Variants in KCTD19 observed in about 807,000 individuals in gnomAD.
KCTD19 encodes the protein BTB/POZ domain-containing protein KCTD19.
A neutral mutation model predicts 103.5 loss-of-function variants in KCTD19; 67 were observed. That is an observed-to-expected ratio of 0.65 (90% CI 0.53 to 0.79). KCTD19 has a LOEUF of 0.79. KCTD19 is among the 30% of genes least tolerant of loss of function. The pLI is 0.00. For synonymous variants in KCTD19, 439 were observed against 452.2 expected, an observed-to-expected ratio of 0.97 and a Z score of 0.37; for missense variants, 980 against 1,136.1, an observed-to-expected ratio of 0.86 and a Z score of 1.98.
rs752873462 is a variant in KCTD19 at position 67,320,882 on chromosome 16, C to T, written c.7G>A (p.Glu3Lys). 4.4e-6 allele frequency: 7 copies of T among 1,605,772 alleles called. No individual in the cohort carries two copies. Among genetic ancestry groups the T allele is most frequent in the African/African-American group, 4.1e-5 (3 of 73,968 alleles). ...GCTGATTCATGAGCCATGCCAGACT[C>T]CTCCTAAAGGGGGAATGAAAAAGAG... ME[E>K]SGMAHESAED... Residue 3 changes from glutamate (E) to lysine (K), a missense_variant, in exon 2 of 16, where the codon GAG becomes AAG. Glu to Lys is a moderately conservative substitution (Grantham distance 56). Transcript: ENST00000304372. This position sits in a 1 kb window ranked among gnomAD's most constrained non-coding sequence, Gnocchi z 4.0.
chr16:67,291,963 T>C lies in KCTD19; in HGVS notation c.2219-126A>G, dbSNP rs550168023. 5 of 548,616 alleles carry C rather than the reference T, an allele frequency of 9.1e-6. No homozygotes were observed. The African/African-American group carries it at 9.7e-5, about 11-fold the overall frequency. The allele number at this position is 548,616 out of a possible 1,614,324, so 34.0% of individuals were successfully genotyped here. On this transcript the variant is annotated intron_variant, in intron 12 of 15. Coordinates refer to ENST00000304372, the MANE Select transcript of KCTD19 (RefSeq NM_001100915.3). Reference sequence around the variant, plus strand: ...ATCTTGGCTCACTGCAACCTCTGCCTCCCAGGTTCCAGCGATTCTCCTGCC... The same window carrying C: ...ATCTTGGCTCACTGCAACCTCTGCCCCCCAGGTTCCAGCGATTCTCCTGCC...
chr16:67,296,632 C>T (rs148255904), intron 7 of KCTD19, among the ~76,000 whole-genome samples: 4 of 152,256 alleles, frequency 2.6e-5, no homozygotes, highest in East Asian at 3.9e-4. Flanking sequence ...TGTTTATGTT[C>T]GTGGTTTGGC....
In KCTD19 at chr16:67,295,406, C is replaced by G. The variant is rs1027308216; in HGVS notation, c.1249-1G>C. The G allele has an allele frequency of 6.2e-7, 1 of 1,610,274 alleles. No individual in the cohort carries two copies. Among genetic ancestry groups the G allele is most frequent in the Non-Finnish European group, 8.5e-7 (1 of 1,177,224 alleles). On this transcript the variant is annotated splice_acceptor_variant, in intron 8 of 15. Transcript: ENST00000304372. LOFTEE classifies it high-confidence loss of function. ...GAGGGTTGGACAGCAGTTCTGGATA[C>G]TGGAGGGGGTTGGACACCGGACTCA...
chr16:67,294,298 G>T, intron 11 of KCTD19, 127 bp from the exon 12 acceptor site: 1 of 1,077,266 alleles, frequency 9.3e-7, no homozygotes, highest in Non-Finnish European at 1.3e-6. Context: ...TCCCTGACAG[G>T]GGTCACCCAT....
In KCTD19 at chr16:67,291,400, C is replaced by T; in HGVS notation, c.2474G>A (p.Cys825Tyr). 5 of 1,614,230 alleles carry T rather than the reference C, an allele frequency of 3.1e-6. No homozygotes were observed. Among genetic ancestry groups the T allele is most frequent in the Non-Finnish European group, 4.2e-6 (5 of 1,180,034 alleles). ...ATCCATGATGATGTCAGCCAGGAAG[C>T]AGTGACATTTCTGTGCATAAAACAT... ...EEMFYAQKCH[C>Y]FLADIIMDSI... The change falls in exon 14 of 16, where the codon TGC becomes TAC. Residue 825 changes from cysteine to tyrosine, a missense_variant. Physicochemically the swap from Cys to Tyr is radical, Grantham distance 194 (BLOSUM62 -2). Transcript: ENST00000304372.
In KCTD19 at chr16:67,289,534, C is replaced by A. The variant is rs764346258; in HGVS notation, c.*35G>T. The A allele has an allele frequency of 8.6e-6, 11 of 1,273,116 alleles. No homozygotes were observed. The South Asian group carries it at 1.3e-4, about 15-fold the overall frequency. The allele number at this position is 1,273,116 out of a possible 1,614,324, so 78.9% of individuals were successfully genotyped here. A position where few individuals can be genotyped will look rare whatever the true frequency, so the allele number is the denominator to read the frequency against. On this transcript the variant is annotated 3_prime_UTR_variant, in exon 16 of 16. Transcript: ENST00000304372. The stretch of plus-strand genomic sequence containing the variant: ...TATCTCCAATTAAAATGAGACTTGG[C>A]GGGTGGGGCATGAGGGGCTGCATCT...
chr16:67,319,813 T>C (rs370250937), intron 2 of KCTD19, among the ~76,000 whole-genome samples: 2 of 152,088 alleles, frequency 1.3e-5, no homozygotes, highest in South Asian at 2.1e-4. Context: ...AGATTAGAAC[T>C]TTTTGCTTTG....
At chr16:67,309,102 C>CTAGGAGACAGAGCGAG (rs2036923779) in intron 2 of KCTD19, among the ~76,000 whole-genome samples, 2 of 144,028 alleles carry the variant, frequency 1.4e-5, no homozygotes, top group African/African-American at 2.6e-5. Context: ...GCACTCAAGC[C>CTAGGAGACAGAGCGAG]TAGGAGACAG....
chr16:67,309,951 TAA>T (rs1171579275), intron 2 of KCTD19, among the ~76,000 whole-genome samples: 4 of 152,088 alleles, frequency 2.6e-5, no homozygotes, highest in Non-Finnish European at 5.9e-5. Flanking sequence ...CAAGAAATCT[TAA>T]AAAAGAGAAA....
In KCTD19 at chr16:67,320,842, T is replaced by C. The variant is rs1387308146; in HGVS notation, c.47A>G (p.His16Arg). 2 of 1,614,032 alleles carry C rather than the reference T, an allele frequency of 1.2e-6. No homozygotes were observed. Among genetic ancestry groups the C allele is most frequent in the Non-Finnish European group, 1.7e-6 (2 of 1,179,984 alleles). ...MAHESAEDLFHFNVGGWHFSV... is the reference protein window; with the variant it reads ...MAHESAEDLFRFNVGGWHFSV... ...GAAATGCCAGCCCCCTACGTTGAAA[T>C]GAAACAAGTCCTCTGCTGATTCATG... The change falls in exon 2 of 16, where the codon CAT (histidine) becomes CGT (arginine). Residue 16 changes from histidine to arginine, a missense_variant. Coordinates refer to ENST00000304372, the MANE Select transcript of KCTD19 (RefSeq NM_001100915.3). This position sits in a 1 kb window ranked among gnomAD's most constrained non-coding sequence, Gnocchi z 4.0.
At chr16:67,297,290 C>G (rs376248582) in intron 7 of KCTD19, among the ~76,000 whole-genome samples, 74 of 152,270 alleles carry the variant, frequency 4.9e-4, no homozygotes, top group African/African-American at 1.7e-3. Flanking sequence ...TGGGTAACAG[C>G]CCTGTCTGCT....
chr16:67,326,579 G>T, intron 1 of KCTD19, 126 bp downstream of exon 1: 1 of 1,335,008 alleles, frequency 7.5e-7, no homozygotes. Flanking sequence ...TCCCGGCTGG[G>T]GGCCCCTCGC....
chr16:67,291,259 A>C (rs1219729662), intron 14 of KCTD19, 50 bp downstream of exon 14: 9 of 1,578,868 alleles, frequency 5.7e-6, no homozygotes, highest in Non-Finnish European at 7.7e-6. Flanking sequence ...GCAGGGGAAG[A>C]GGTGGAGAAG....
At chr16:67,291,218 CT>C (rs2036688601) in intron 14 of KCTD19, 90 bp downstream of exon 14, 2 of 1,486,576 alleles carry the variant, frequency 1.3e-6, no homozygotes, top group Admixed American at 2.0e-5. Context: ...TCTTGGCTTA[CT>C]TCCTCTTGCC....
chr16:67,301,945 A>T (rs2036839244), intron 4 of KCTD19, 23 bp from the exon 5 acceptor site: 2 of 1,613,162 alleles, frequency 1.2e-6, no homozygotes, highest in East Asian at 2.2e-5. Flanking sequence ...AGGGGAACAC[A>T]GTGAGTTAAT....
chr16:67,291,068 G>T, intron 14 of KCTD19, 82 bp from the exon 15 acceptor site: 1 of 1,436,720 alleles, frequency 7.0e-7, no homozygotes, highest in Non-Finnish European at 9.6e-7. Context: ...GACTTCTCTG[G>T]GCCCACAGAG....
At chr16:67,317,387 G>A (rs923147582) in intron 2 of KCTD19, among the ~76,000 whole-genome samples, 3 of 151,860 alleles carry the variant, frequency 2.0e-5, no homozygotes, top group South Asian at 2.1e-4. Context: ...GCTGAGGCAT[G>A]AGAAGCTCTT....
At chr16:67,324,329 T>C (rs1019102611) in intron 1 of KCTD19, among the ~76,000 whole-genome samples, 26 of 152,174 alleles carry the variant, frequency 1.7e-4, no homozygotes, top group African/African-American at 6.0e-4. Context: ...GTAAATAGTA[T>C]ATAGAATTTT....
At chr16:67,294,735 C>T (rs1028672225) in intron 10 of KCTD19, 41 bp from the exon 11 acceptor site, 2 of 1,396,628 alleles carry the variant, frequency 1.4e-6, no homozygotes, top group African/African-American at 2.8e-5. Flanking sequence ...GTAGAGACTT[C>T]CATCAGGCCA....
Sources: gnomAD v4.1 joint callset for allele counts (sites outside exome capture counted in the v4.1 genomes callset) on GRCh38, gnomAD v4.1.1 for gene constraint, Gnocchi (gnomAD v3.1) non-coding constraint, MANE v1.5 for transcripts, NCBI Gene and HGNC (gene_info 2026-07-23, HGNC 2026-07-21) for gene names.